KPNA5: variants seen among roughly 807,000 people sequenced by gnomAD.
The protein encoded by KPNA5 is importin subunit alpha-6.
Under a neutral mutation model 71.3 loss-of-function variants are expected in KPNA5, and 46 were observed. That is an observed-to-expected ratio of 0.65 (90% CI 0.51 to 0.83). KPNA5 has a LOEUF of 0.83. Ranked by LOEUF, KPNA5 falls within the 40% of genes least tolerant of loss-of-function variation. The pLI, the probability that KPNA5 is intolerant of heterozygous loss-of-function variation, is 0.00. For missense variants in KPNA5, 547 were observed against 628.3 expected (o/e 0.87, Z 1.38); for synonymous variants, 207 against 201.4 (o/e 1.03, Z -0.24).
chr6:116,702,730 A>G (rs62424409), intron 6 of KPNA5, among the ~76,000 whole-genome samples: 7,458 of 152,292 alleles, frequency 0.049, 196 homozygotes, highest in African/African-American at 0.069. Flanking sequence ...AACGAATGGC[A>G]GAGCCGGGTT....
intron 1 of KPNA5, among the ~76,000 whole-genome samples, chr6:116,682,025 G>A (rs1279274461): frequency 6.6e-6 from 1 of 152,184 alleles, no homozygotes; most frequent in Non-Finnish European, 1.5e-5. Flanking sequence ...CCAGCACTTT[G>A]GGAGGCGGAG....
chr6:116,701,399 T>A (rs1778225044), intron 5 of KPNA5, among the ~76,000 whole-genome samples: 1 of 152,178 alleles, frequency 6.6e-6, no homozygotes, highest in Admixed American at 6.6e-5. Flanking sequence ...TTATTTTAAA[T>A]CCATAATGTA....
In KPNA5 at chr6:116,740,213, C is replaced by G. The variant is rs1014944567; in HGVS notation, c.*7890C>G. The G allele has an allele frequency of 5.9e-5, 9 of 152,266 alleles. No individual in the cohort carries two copies. Among genetic ancestry groups the G allele is most frequent in the African/African-American group, 2.2e-4 (9 of 41,562 alleles). 9.4% of individuals were successfully genotyped at this position (152,266 alleles called of 1,614,324 possible). ...TGAACAGACACTTCTCAAAAGAAGA[C>G]ATTTATGCAGCCAAAAAACACATGA... On this transcript the variant is annotated 3_prime_UTR_variant, in exon 14 of 14. Transcript: ENST00000368564.
At chr6:116,726,000 C>T (rs1779274834) in intron 11 of KPNA5, 124 bp downstream of exon 11, 1 of 1,049,426 alleles carries the variant, frequency 9.5e-7, no homozygotes, top group Non-Finnish European at 1.3e-6. Flanking sequence ...TTTTAAAGAA[C>T]ATGGGCTTTC....
rs956625434 is a variant in KPNA5, at chr6:116,741,006, A to G, written c.*8683A>G. On this transcript the variant is annotated 3_prime_UTR_variant, in exon 14 of 14. Transcript: ENST00000368564. Reference sequence around the variant, plus strand: ...ACTTAAAGTATAATAAAAAAAAAAGAAATGTACTTTTAAATTTCAGACCTT... The same window carrying G: ...ACTTAAAGTATAATAAAAAAAAAAGGAATGTACTTTTAAATTTCAGACCTT... 1 of 150,802 alleles carries G rather than the reference A, an allele frequency of 6.6e-6. No individual in the cohort carries two copies. The highest frequency in any genetic ancestry group is 2.5e-5 in the African/African-American group (1 of 40,506). 9.3% of individuals were successfully genotyped at this position (150,802 alleles called of 1,614,324 possible). A position where few individuals can be genotyped will look rare whatever the true frequency, so the allele number is the denominator to read the frequency against.
At chr6:116,709,276 G>T (rs1291181888) in intron 7 of KPNA5, among the ~76,000 whole-genome samples, 2 of 152,180 alleles carry the variant, frequency 1.3e-5, no homozygotes, top group South Asian at 2.1e-4. Flanking sequence ...GTCGTTTGAG[G>T]TCAGGAGCCT....
intron 6 of KPNA5, among the ~76,000 whole-genome samples, chr6:116,703,101 A>G (rs1778290643): frequency 6.6e-6 from 1 of 152,086 alleles, no homozygotes; most frequent in Non-Finnish European, 1.5e-5. Context: ...CTGCTCAGAT[A>G]TGTACCATAA....
At chr6:116,729,424 T>C (rs183161765) in intron 12 of KPNA5, 139 bp from the exon 13 acceptor site, 487 of 484,664 alleles carry the variant, frequency 1.0e-3, no homozygotes, top group Admixed American at 2.4e-3. Flanking sequence ...AATGTTTGCA[T>C]TTGTATAGGA....
At chr6:116,707,932 C>A (rs1778509443) in intron 7 of KPNA5, among the ~76,000 whole-genome samples, 1 of 152,154 alleles carries the variant, frequency 6.6e-6, no homozygotes, top group Non-Finnish European at 1.5e-5. Context: ...TTTGCCATCA[C>A]CTTGTGCCTT....
chr6:116,693,678 T>C (rs1219867197), intron 4 of KPNA5, among the ~76,000 whole-genome samples: 3 of 152,096 alleles, frequency 2.0e-5, no homozygotes, highest in East Asian at 3.8e-4. Context: ...TTCTCCCATT[T>C]TGTAGGTTGC....
rs142791253 is a variant in KPNA5 at position 116,719,203 on chromosome 6, A to G, written c.756+2885A>G. ...ATGGACCCAGCAAATTGTCATATCT[A>G]AGGATTTATAGTGTTATTTGTTTGT... On this transcript the variant is annotated intron_variant, in intron 8 of 13. Coordinates refer to ENST00000368564, the MANE Select transcript of KPNA5 (RefSeq NM_001366306.2). Among the ~76,000 whole-genome samples the G allele has an allele frequency of 1.2e-3, 184 of 152,232 alleles. 1 individual carries two copies. Among genetic ancestry groups the G allele is most frequent in the African/African-American group, 4.2e-3 (176 of 41,562 alleles).
intron 1 of KPNA5, among the ~76,000 whole-genome samples, chr6:116,686,376 T>C (rs1339833140): frequency 6.6e-6 from 1 of 152,228 alleles, no homozygotes; most frequent in African/African-American, 2.4e-5. Context: ...TCATGTCCTT[T>C]GCTCACTTTT....
chr6:116,709,770 C>CT (rs550085717), intron 7 of KPNA5, among the ~76,000 whole-genome samples: 7,720 of 144,392 alleles, frequency 0.053, 631 homozygotes, highest in African/African-American at 0.17. Context: ...CCTTCTATTT[C>CT]TTTTTTTTTT....
intron 6 of KPNA5, 39 bp downstream of exon 6, chr6:116,702,189 C>G: frequency 6.3e-7 from 1 of 1,583,546 alleles, no homozygotes; most frequent in Non-Finnish European, 8.6e-7. Context: ...TACTAGAATT[C>G]AGTTTTCTCT....
chr6:116,734,538 G>T lies in KPNA5; in HGVS notation c.*2215G>T, dbSNP rs1339374082. ...TGGGTAATTAATTTTAGATTTGATT[G>T]CAAAGAGCACTGTATAGCAGTTGGG... On this transcript the variant is annotated 3_prime_UTR_variant, in exon 14 of 14. Transcript: ENST00000368564. The T allele has an allele frequency of 6.6e-6, 1 of 151,468 alleles. No individual in the cohort carries two copies. The highest frequency in any genetic ancestry group is 1.5e-5 in the Non-Finnish European group (1 of 67,652). 9.4% of individuals were successfully genotyped at this position (151,468 alleles called of 1,614,324 possible).
chr6:116,682,071 C>A (rs1199764865), intron 1 of KPNA5, among the ~76,000 whole-genome samples: 1 of 151,944 alleles, frequency 6.6e-6, no homozygotes, highest in Non-Finnish European at 1.5e-5. Context: ...TCGAGACCAT[C>A]CTGGCTAACA....
chr6:116,681,296 G>T lies in KPNA5; in HGVS notation c.-39G>T. ...GTTACCCGCCACACACGTCGCCGCT[G>T]GGGACTGGGAAATCAGGGCATCGGA... On this transcript the variant is annotated 5_prime_UTR_variant, in exon 1 of 14. Transcript: ENST00000368564. 3 of 1,610,332 alleles carry T rather than the reference G, an allele frequency of 1.9e-6. No individual in the cohort carries two copies. The highest frequency in any genetic ancestry group is 2.5e-6 in the Non-Finnish European group (3 of 1,177,908).
intron 11 of KPNA5, 63 bp downstream of exon 11, chr6:116,725,939 T>C: frequency 5.2e-6 from 8 of 1,523,916 alleles, no homozygotes; most frequent in Middle Eastern, 1.8e-4. Flanking sequence ...TGGACAAAAG[T>C]TAACACTTTT....
At chr6:116,711,813 G>A (rs1778699504) in intron 7 of KPNA5, among the ~76,000 whole-genome samples, 1 of 152,136 alleles carries the variant, frequency 6.6e-6, no homozygotes, top group Admixed American at 6.5e-5. Context: ...GTAGAAATGA[G>A]GTTTTGCCAC....
Sources: allele counts gnomAD v4.1 joint callset (sites outside exome capture counted in the v4.1 genomes callset), GRCh38; gene constraint gnomAD v4.1.1; transcripts MANE v1.5; gene names NCBI Gene and HGNC (gene_info 2026-07-23, HGNC 2026-07-21).